Variants in PPP2R2B observed in about 807,000 individuals in gnomAD.
The protein encoded by PPP2R2B is protein phosphatase 2 regulatory subunit Bbeta.
PPP2R2B carries 5 observed loss-of-function variants against 46.0 expected under a neutral mutation model. The observed-to-expected ratio is 0.11, with a 90% confidence interval of 0.06 to 0.23. The LOEUF is 0.23. PPP2R2B is among the 10% of genes least tolerant of loss of function. The pLI is 1.00. For missense variants in PPP2R2B, 367 were observed against 575.0 expected (o/e 0.64, Z 3.70); for synonymous variants, 215 against 206.7 (o/e 1.04, Z -0.34).
intron 1 of PPP2R2B, among the ~76,000 whole-genome samples, chr5:146,886,007 T>C (rs944755333): frequency 1.3e-5 from 2 of 151,340 alleles, no homozygotes; most frequent in East Asian, 3.9e-4. Context: ...GCTAAAGGGT[T>C]CAGGATTTCT....
At chr5:146,877,795 G>A (rs1032770151) in intron 2 of PPP2R2B, among the ~76,000 whole-genome samples, 1 of 152,112 alleles carries the variant, frequency 6.6e-6, no homozygotes, top group African/African-American at 2.4e-5. Flanking sequence ...GTGGGCGCCG[G>A]GTCCACCTGC....
chr5:146,816,401 A>C (rs1473810659), intron 2 of PPP2R2B, among the ~76,000 whole-genome samples: 1 of 152,220 alleles, frequency 6.6e-6, no homozygotes, highest in Non-Finnish European at 1.5e-5. Flanking sequence ...CTATCTCCAA[A>C]AACAACAATA....
chr5:146,979,483 GTAGATGCTCAA>G (rs1356380017), intron 1 of PPP2R2B, among the ~76,000 whole-genome samples: 5 of 151,426 alleles, frequency 3.3e-5, no homozygotes, highest in African/African-American at 7.3e-5. Context: ...CTGCCACATA[GTAGATGCTCAA>G]TAGATGCTCA....
At chr5:146,945,076 C>T (rs991359486) in intron 1 of PPP2R2B, among the ~76,000 whole-genome samples, 2 of 152,188 alleles carry the variant, frequency 1.3e-5, no homozygotes, top group South Asian at 2.1e-4. Flanking sequence ...AATTATTTTT[C>T]AAATTAGGCC....
Position 146,872,725 on chromosome 5 carries a change from T to C in PPP2R2B, c.70+5277A>G, listed in dbSNP as rs371598592. On this transcript the variant is annotated intron_variant, in intron 2 of 9. Transcript: ENST00000394411. ...ATCCAAGACTGGACTCTTCTTATCC[T>C]ACCACATTGCTGAGAAATGGCCATA... is the stretch of plus-strand genomic sequence containing the variant. Among the ~76,000 whole-genome samples the C allele has an allele frequency of 9.6e-4, 146 of 152,322 alleles. 1 individual carries two copies. The highest frequency in any genetic ancestry group is 3.3e-3 in the African/African-American group (136 of 41,570).
chr5:146,957,834 G>A (rs902045635), intron 1 of PPP2R2B, among the ~76,000 whole-genome samples: 1 of 152,172 alleles, frequency 6.6e-6, no homozygotes, highest in African/African-American at 2.4e-5. Context: ...GAAGTGGGAA[G>A]ACTATATCCC....
At chr5:147,058,369 A>C (rs1757155505), upstream of PPP2R2B, among the ~76,000 whole-genome samples, 1 of 152,200 alleles carries the variant, frequency 6.6e-6, no homozygotes, top group Admixed American at 6.5e-5. Context: ...GTCTTAAATA[A>C]ATGGTAGGCA....
At chr5:146,795,783 A>G (rs576732647) in intron 2 of PPP2R2B, among the ~76,000 whole-genome samples, 1 of 152,276 alleles carries the variant, frequency 6.6e-6, no homozygotes. Flanking sequence ...TTAAATACAA[A>G]CTGTTTTGTC....
intron 5 of PPP2R2B, among the ~76,000 whole-genome samples, chr5:146,659,159 G>A (rs941503655): frequency 6.6e-6 from 1 of 152,128 alleles, no homozygotes; most frequent in African/African-American, 2.4e-5. Context: ...CTTTTAGTGG[G>A]TATTGGTGAG....
chr5:146,972,781 A>T (rs895474800), intron 1 of PPP2R2B, among the ~76,000 whole-genome samples: 5 of 152,178 alleles, frequency 3.3e-5, no homozygotes, highest in African/African-American at 1.2e-4. Flanking sequence ...TCTTATAGGT[A>T]AGGATATCTT....
intron 5 of PPP2R2B, among the ~76,000 whole-genome samples, chr5:146,655,348 G>T (rs1266578933): frequency 1.3e-5 from 2 of 152,172 alleles, no homozygotes; most frequent in Admixed American, 1.3e-4. Context: ...TTCCCCCCCA[G>T]AGAGTGGCAC....
intron 2 of PPP2R2B, among the ~76,000 whole-genome samples, chr5:146,784,231 C>A (rs569422848): frequency 2.0e-5 from 3 of 152,116 alleles, no homozygotes; most frequent in African/African-American, 4.8e-5. Context: ...CAATAAACAG[C>A]TATAGAAACA....
At chr5:146,876,508 T>C (rs1761907107) in intron 2 of PPP2R2B, among the ~76,000 whole-genome samples, 1 of 152,212 alleles carries the variant, frequency 6.6e-6, no homozygotes, top group Non-Finnish European at 1.5e-5. Context: ...CATGCTTAGA[T>C]ACAGAGTTAG....
chr5:146,732,919 T>TA (rs1752316301), intron 2 of PPP2R2B, among the ~76,000 whole-genome samples: 1 of 152,248 alleles, frequency 6.6e-6, no homozygotes, highest in Non-Finnish European at 1.5e-5. Flanking sequence ...AGGCTGATTC[T>TA]AAAGCCCATC....
intron 2 of PPP2R2B, among the ~76,000 whole-genome samples, chr5:146,839,403 C>T (rs1254862096): frequency 1.3e-5 from 2 of 152,046 alleles, no homozygotes; most frequent in Non-Finnish European, 2.9e-5. Context: ...GCCTGTAATC[C>T]CAGCTACTCG....
chr5:146,980,882 T>C (rs1753141413), intron 1 of PPP2R2B, among the ~76,000 whole-genome samples: 1 of 152,156 alleles, frequency 6.6e-6, no homozygotes. Flanking sequence ...TCCTTACTAG[T>C]TTTCTGTGTT....
At chr5:146,821,872 T>A (rs143406247) in intron 2 of PPP2R2B, among the ~76,000 whole-genome samples, 1 of 152,152 alleles carries the variant, frequency 6.6e-6, no homozygotes, top group African/African-American at 2.4e-5. Context: ...CATTGTAAAT[T>A]CCCATTTATG....
chr5:146,640,262 C>A (rs1182136691), intron 6 of PPP2R2B, among the ~76,000 whole-genome samples: 1 of 152,230 alleles, frequency 6.6e-6, no homozygotes, highest in Non-Finnish European at 1.5e-5. Flanking sequence ...GTACATGTTA[C>A]TACAATTTCT....
At chr5:146,718,387 T>TA (rs541550995) in intron 2 of PPP2R2B, among the ~76,000 whole-genome samples, 45 of 144,072 alleles carry the variant, frequency 3.1e-4, no homozygotes, top group Admixed American at 3.5e-4. Flanking sequence ...GACCCCATCT[T>TA]AAAAAAAAAA....
Sources: allele counts gnomAD v4.1 joint callset (sites outside exome capture counted in the v4.1 genomes callset), GRCh38; gene constraint gnomAD v4.1.1; transcripts MANE v1.5; gene names NCBI Gene and HGNC (gene_info 2026-07-23, HGNC 2026-07-21).